The following ULK2 variants were observed in gnomAD, a reference collection of about 807,000 sequenced individuals.
ULK2 encodes the protein unc-51 like autophagy activating kinase 2.
ULK2 carries 76 observed loss-of-function variants against 127.5 expected under a neutral mutation model. The observed-to-expected ratio is 0.60, with a 90% CI of 0.50 to 0.72. The LOEUF is 0.72. Among genes scored for constraint, ULK2 ranks in the 30% least tolerant of loss-of-function variants. ULK2 has a pLI of 0.00. For missense variants in ULK2, 1,144 were observed against 1,295.9 expected, an observed-to-expected ratio of 0.88 and a Z score of 1.80; for synonymous variants, 452 against 461.9, an observed-to-expected ratio of 0.98 and a Z score of 0.28.
chr17:19,825,360 A>G (rs1254900856), intron 11 of ULK2, among the ~76,000 whole-genome samples, 178 bp from the exon 12 acceptor site: 1 of 152,182 alleles, frequency 6.6e-6, no homozygotes, highest in Middle Eastern at 3.2e-3. Context: ...AACTATTTCA[A>G]CTTCGTTTCA....
intron 7 of ULK2, among the ~76,000 whole-genome samples, chr17:19,843,864 T>G (rs1340494864): frequency 3.9e-5 from 6 of 152,038 alleles, no homozygotes; most frequent in African/African-American, 1.2e-4. Flanking sequence ...TTCACCATGT[T>G]GGCCAGGCTG....
chr17:19,827,723 C>T (rs1350050786), intron 10 of ULK2, among the ~76,000 whole-genome samples: 1 of 152,038 alleles, frequency 6.6e-6, no homozygotes, highest in Non-Finnish European at 1.5e-5. Context: ...ACCAGCCTGA[C>T]CAACATGGAG....
chr17:19,845,083 AAAAT>A (rs1377989944), intron 7 of ULK2, among the ~76,000 whole-genome samples: 2 of 152,346 alleles, frequency 1.3e-5, no homozygotes, highest in East Asian at 3.9e-4. Flanking sequence ...TCTTTTTTAA[AAAAT>A]AAAAACAAAT....
intron 9 of ULK2, among the ~76,000 whole-genome samples, chr17:19,839,736 AG>A (rs1173068448): frequency 6.6e-6 from 1 of 152,172 alleles, no homozygotes; most frequent in Non-Finnish European, 1.5e-5. Context: ...TCACTAATAA[AG>A]AGAATAATGC....
At chr17:19,789,910 C>CA (rs34932017) in intron 20 of ULK2, among the ~76,000 whole-genome samples, 2,115 of 57,340 alleles carry the variant, frequency 0.037, 31 homozygotes, top group African/African-American at 0.06. Flanking sequence ...AAAAAGCTGC[C>CA]AAAAAAAAAA....
At chr17:19,824,754 T>C (rs1419927777) in intron 12 of ULK2, among the ~76,000 whole-genome samples, 1 of 152,136 alleles carries the variant, frequency 6.6e-6, no homozygotes, top group African/African-American at 2.4e-5. Flanking sequence ...TCAGATCAAA[T>C]AAATATTTAT....
At chr17:19,829,383 A>C (rs1203055631) in intron 10 of ULK2, among the ~76,000 whole-genome samples, 1 of 151,956 alleles carries the variant, frequency 6.6e-6, no homozygotes, top group Admixed American at 6.6e-5. Context: ...AAAAAATACA[A>C]AAATTAGCCA....
Position 19,775,430 on chromosome 17 carries a change from TC to T in ULK2, c.*918del, listed in dbSNP as rs1459513454. On this transcript the variant is annotated 3_prime_UTR_variant, in exon 27 of 27. Transcript: ENST00000395544. ...GTATCTCTTGATCCATGATTTTGTT[TC>T]TAATACTGCCCAAATAAACCTAGCC... 1.3e-5 allele frequency: 2 copies of T among 152,640 alleles called. No homozygotes were observed. The highest frequency in any genetic ancestry group is 4.8e-5 in the African/African-American group (2 of 41,442). 9.5% of individuals were successfully genotyped at this position (152,640 alleles called of 1,614,324 possible).
intron 9 of ULK2, 126 bp from the exon 10 acceptor site, chr17:19,838,709 C>T (rs1476188419): frequency 4.9e-5 from 37 of 753,122 alleles, no homozygotes; most frequent in Middle Eastern, 2.4e-4. Context: ...ATTTATACCA[C>T]GAAGACCATG....
chr17:19,845,835 G>A (rs879940188), intron 6 of ULK2, among the ~76,000 whole-genome samples: 16 of 152,256 alleles, frequency 1.1e-4, no homozygotes, highest in Middle Eastern at 3.4e-3. Flanking sequence ...ATGGCCAGGC[G>A]TGGTGGCCCA....
At chr17:19,834,455 A>G (rs1471554049) in intron 10 of ULK2, among the ~76,000 whole-genome samples, 2 of 152,006 alleles carry the variant, frequency 1.3e-5, no homozygotes, top group Non-Finnish European at 2.9e-5. Context: ...TGACAACACA[A>G]AAGAGGAGGA....
At chr17:19,795,826 C>A in intron 19 of ULK2, 101 bp from the exon 20 acceptor site, 2 of 1,125,102 alleles carry the variant, frequency 1.8e-6, no homozygotes, top group South Asian at 1.3e-5. Context: ...AAATAGATAC[C>A]AAACAATTCA....
intron 15 of ULK2, among the ~76,000 whole-genome samples, chr17:19,802,890 C>CT (rs1425814210): frequency 6.6e-6 from 1 of 152,128 alleles, no homozygotes; most frequent in East Asian, 1.9e-4. Flanking sequence ...CATTGGTTCA[C>CT]TGAGTTATGC....
chr17:19,843,934 A>G (rs2041823388), intron 7 of ULK2, among the ~76,000 whole-genome samples: 1 of 152,202 alleles, frequency 6.6e-6, no homozygotes, highest in Non-Finnish European at 1.5e-5. Context: ...CTGGGATTAC[A>G]GGCATGAGCC....
At chr17:19,780,166 C>A (rs542340517) in intron 25 of ULK2, among the ~76,000 whole-genome samples, 2 of 148,208 alleles carry the variant, frequency 1.3e-5, no homozygotes, top group African/African-American at 2.5e-5. Flanking sequence ...AGAGTAACTC[C>A]GTCTCAAGAA....
chr17:19,861,246 T>C (rs977846668), intron 3 of ULK2, among the ~76,000 whole-genome samples: 3 of 152,150 alleles, frequency 2.0e-5, no homozygotes, highest in Admixed American at 6.6e-5. Context: ...TTCATTCTGA[T>C]AGAAAATAAT....
rs1316820119 is a variant in ULK2, at chr17:19,804,816, G to A, written c.1172C>T (p.Thr391Ile). ...FLVCGGQCQP[T>I]VSPHSETAPI... ...TGCTGTTTCGCTGTGAGGTGACACA[G>A]TAGGCTGACACTGCCTGCAATCGTA... is the stretch of plus-strand genomic sequence containing the variant. Residue 391 changes from threonine (T) to isoleucine (I), a missense_variant, in exon 15 of 27, where the codon ACT becomes ATT. Physicochemically the swap from Thr to Ile is moderately conservative, Grantham distance 89. This residue lies in a region of ULK2 where 913 missense variants were observed against 970.5 expected (regional missense o/e 0.94). Coordinates refer to ENST00000395544, the MANE Select transcript of ULK2 (RefSeq NM_014683.4). The A allele has an allele frequency of 1.2e-6, 2 of 1,611,936 alleles. No individual in the cohort carries two copies. The highest frequency in any genetic ancestry group is 2.7e-5 in the African/African-American group (2 of 74,950).
At chr17:19,858,843 G>A (rs889837983) in intron 3 of ULK2, among the ~76,000 whole-genome samples, 8 of 152,092 alleles carry the variant, frequency 5.3e-5, no homozygotes, top group South Asian at 2.1e-4. Flanking sequence ...GGTGGTGGGC[G>A]CCTGTAATCC....
In ULK2 at chr17:19,842,022, C is replaced by T. The variant is rs2041770302; in HGVS notation, c.646-475G>A. Among the ~76,000 whole-genome samples, 4 of 151,996 alleles carry T rather than the reference C, an allele frequency of 2.6e-5. No homozygotes were observed. In the South Asian group the frequency reaches 8.3e-4, roughly 32 times the overall value. On this transcript the variant is annotated intron_variant, in intron 8 of 26. Coordinates refer to ENST00000395544, the MANE Select transcript of ULK2 (RefSeq NM_014683.4). ...TTCAGGTGTACTTTACCTTAGGACC[C>T]TAAAGGAATTCAAAGAAAAGAACTA... is the stretch of plus-strand genomic sequence containing the variant.
Sources: gnomAD v4.1 joint callset for allele counts (sites outside exome capture counted in the v4.1 genomes callset) on GRCh38, gnomAD v4.1.1 for gene constraint, gnomAD v4.1.1 regional missense constraint, MANE v1.5 for transcripts, NCBI Gene and HGNC (gene_info 2026-07-23, HGNC 2026-07-21) for gene names.